The following MAST2 variants were observed in gnomAD, a reference collection of about 807,000 sequenced individuals.
MAST2 encodes the protein microtubule-associated serine/threonine-protein kinase 2.
MAST2 carries 70 observed loss-of-function variants against 147.4 expected under a neutral mutation model. The observed-to-expected ratio is 0.47, with a 90% CI of 0.39 to 0.58. The LOEUF (loss-of-function observed/expected upper bound fraction) is 0.58, where lower values mean the gene tolerates loss of function less well. Among genes scored for constraint, MAST2 ranks in the 20% least tolerant of loss-of-function variants. The pLI, the probability that MAST2 is intolerant of heterozygous loss-of-function variation, is 0.00. For missense variants in MAST2, 2,080 were observed against 2,302.3 expected (o/e 0.90, Z 1.98); for synonymous variants, 869 against 896.8 (o/e 0.97, Z 0.55).
At chr1:45,910,159 A>T (rs1651459801) in intron 4 of MAST2, among the ~76,000 whole-genome samples, 7 of 134,462 alleles carry the variant, frequency 5.2e-5, no homozygotes, top group African/African-American at 8.4e-5. Context: ...TTATTTGTAG[A>T]TTTTCTCTTT....
intron 10 of MAST2, among the ~76,000 whole-genome samples, chr1:46,014,280 T>G (rs1406481524): frequency 6.6e-6 from 1 of 150,796 alleles, no homozygotes; most frequent in African/African-American, 2.4e-5. Context: ...ACCAATTAAC[T>G]CATCATTTAG....
At chr1:45,810,547 C>T (rs889504935) in intron 1 of MAST2, among the ~76,000 whole-genome samples, 1 of 152,066 alleles carries the variant, frequency 6.6e-6, no homozygotes, top group African/African-American at 2.4e-5. Flanking sequence ...TGTGGTGGCT[C>T]ACGCCTGTAA....
chr1:45,988,130 A>T (rs1644723231), intron 5 of MAST2, among the ~76,000 whole-genome samples: 3 of 151,946 alleles, frequency 2.0e-5, no homozygotes, highest in Admixed American at 6.6e-5. Context: ...CTCCTGCCTC[A>T]TCCTCCTAAG....
intron 6 of MAST2, among the ~76,000 whole-genome samples, chr1:46,000,501 G>C (rs1338567046): frequency 1.3e-5 from 2 of 152,152 alleles, no homozygotes; most frequent in Non-Finnish European, 2.9e-5. Flanking sequence ...CTGTTTCATT[G>C]CCTGGGTTTA....
chr1:45,908,672 C>A (rs1651168812), intron 4 of MAST2, among the ~76,000 whole-genome samples: 1 of 151,978 alleles, frequency 6.6e-6, no homozygotes, highest in African/African-American at 2.4e-5. Context: ...TTTGAAATTT[C>A]TTGAGACTTT....
chr1:45,902,315 G>A (rs1321656571), intron 4 of MAST2, among the ~76,000 whole-genome samples: 5 of 152,134 alleles, frequency 3.3e-5, no homozygotes, highest in African/African-American at 9.7e-5. Context: ...AACCATCCTT[G>A]TGTCCCAGGC....
chr1:45,902,065 G>C (rs1348093725), intron 4 of MAST2, among the ~76,000 whole-genome samples: 4 of 152,134 alleles, frequency 2.6e-5, no homozygotes, highest in African/African-American at 9.7e-5. Context: ...CCATTTCTTA[G>C]AGGGAATGTT....
rs1644888723 is a variant in MAST2, at chr1:45,829,499, A to G, written c.386A>G (p.Gln129Arg). ...AGCAGTGTGGGACAGGTGACTTGGC[A>G]GTCGTCAGGAGAAGCATCAAACCTG... ...VHSSVGQVTW[Q>R]SSGEASNLVR... Residue 129 changes from glutamine (Q) to arginine (R), a missense_variant, in exon 3 of 29, where the codon CAG becomes CGG. Coordinates refer to ENST00000361297, the MANE Select transcript of MAST2 (RefSeq NM_015112.3). 1.2e-6 allele frequency: 2 copies of G among 1,614,222 alleles called. No homozygotes were observed. The highest frequency in any genetic ancestry group is 4.5e-5 in the East Asian group (2 of 44,890).
chr1:45,948,486 T>TCG (rs1290081212), intron 4 of MAST2, among the ~76,000 whole-genome samples: 7 of 151,716 alleles, frequency 4.6e-5, no homozygotes, highest in African/African-American at 1.7e-4. Context: ...GGCGGGTGGA[T>TCG]CATGAGGTCA....
intron 3 of MAST2, among the ~76,000 whole-genome samples, chr1:45,843,595 G>A (rs1645341360): frequency 6.6e-6 from 1 of 152,070 alleles, no homozygotes; most frequent in Non-Finnish European, 1.5e-5. Flanking sequence ...ATGGGAGAGA[G>A]TAAAGAGAAA....
intron 26 of MAST2, 96 bp from the exon 27 acceptor site, chr1:46,033,706 G>C: frequency 6.8e-7 from 1 of 1,479,812 alleles, no homozygotes; most frequent in Non-Finnish European, 9.2e-7. Context: ...AAAAGCTGGA[G>C]CTGTGGTATA....
chr1:45,932,132 T>C (rs1231208949), intron 4 of MAST2, among the ~76,000 whole-genome samples: 1 of 152,202 alleles, frequency 6.6e-6, no homozygotes, highest in Non-Finnish European at 1.5e-5. Context: ...ACTCTTTTTT[T>C]CCCTTTGTAA....
chr1:46,006,321 T>C lies in MAST2; in HGVS notation c.828T>C (p.His276=). 2 of 1,614,098 alleles carry C rather than the reference T, an allele frequency of 1.2e-6. No homozygotes were observed. Among genetic ancestry groups the C allele is most frequent in the South Asian group, 1.1e-5 (1 of 91,052 alleles). Residue 276 remains histidine, a synonymous_variant, in exon 8 of 29, where the codon CAT becomes CAC. Coordinates refer to ENST00000361297, the MANE Select transcript of MAST2 (RefSeq NM_015112.3). ...TADELHFLTK[H]FSTESVPDEE... is the part of the protein sequence containing the mutation. ...ATGAGCTGCACTTTTTGACGAAGCATTTCAGCACAGAGAGCGTACCAGATG... is the reference window on the plus strand; with the variant it reads ...ATGAGCTGCACTTTTTGACGAAGCACTTCAGCACAGAGAGCGTACCAGATG...
intron 1 of MAST2, among the ~76,000 whole-genome samples, chr1:45,804,495 C>T (rs773137171): frequency 3.3e-5 from 5 of 152,200 alleles, no homozygotes; most frequent in Admixed American, 6.5e-5. Flanking sequence ...ACGGATGACA[C>T]TCCCAAGCAT....
intron 4 of MAST2, among the ~76,000 whole-genome samples, chr1:45,922,784 G>C (rs1360639579): frequency 2.0e-5 from 3 of 152,118 alleles, no homozygotes; most frequent in Non-Finnish European, 4.4e-5. Context: ...CTTTTCCCTG[G>C]CTCCCACCGA....
At chr1:45,973,877 G>A (rs1356480347) in intron 5 of MAST2, among the ~76,000 whole-genome samples, 2 of 152,208 alleles carry the variant, frequency 1.3e-5, no homozygotes, top group Non-Finnish European at 2.9e-5. Flanking sequence ...ACATTGATTA[G>A]CTGTTTTGAT....
At chr1:45,858,792 A>C (rs1424725142) in intron 3 of MAST2, among the ~76,000 whole-genome samples, 1 of 148,290 alleles carries the variant, frequency 6.7e-6, no homozygotes, top group Admixed American at 6.8e-5. Context: ...ATTTTTGTAT[A>C]AGGTGTAAGG....
intron 3 of MAST2, among the ~76,000 whole-genome samples, chr1:45,860,131 G>A (rs1278186883): frequency 5.9e-5 from 9 of 152,084 alleles, no homozygotes; most frequent in South Asian, 4.2e-4. Context: ...GCTGAGATGG[G>A]CAGATTACTT....
intron 19 of MAST2, 48 bp downstream of exon 19, chr1:46,029,615 G>T: frequency 3.2e-6 from 5 of 1,563,138 alleles, no homozygotes; most frequent in South Asian, 1.1e-5. Flanking sequence ...AAAGGGGTAA[G>T]GGAGGCTGAG....
Sources: allele counts gnomAD v4.1 joint callset (sites outside exome capture counted in the v4.1 genomes callset), GRCh38; gene constraint gnomAD v4.1.1; transcripts MANE v1.5; gene names NCBI Gene and HGNC (gene_info 2026-07-23, HGNC 2026-07-21).